The following GAD1 variants were observed in gnomAD, a reference collection of about 807,000 sequenced individuals.
GAD1 encodes 67 kDa glutamic acid decarboxylase.
A neutral mutation model predicts 75.2 loss-of-function variants in GAD1; 35 were observed. The observed-to-expected ratio is 0.47, with a 90% CI of 0.36 to 0.62. GAD1 has a LOEUF of 0.62. GAD1 is among the 20% of genes least tolerant of loss of function. The pLI, the probability that GAD1 is intolerant of heterozygous loss-of-function variation, is 0.00. For missense variants in GAD1, 490 were observed against 758.5 expected, an observed-to-expected ratio of 0.65 and a Z score of 4.16; for synonymous variants, 257 against 271.9, an observed-to-expected ratio of 0.95 and a Z score of 0.54.
intron 10 of GAD1, 128 bp from the exon 11 acceptor site, chr2:170,847,548 A>G (rs1702659498): frequency 1.3e-6 from 1 of 768,886 alleles, no homozygotes; most frequent in Non-Finnish European, 2.4e-6. Context: ...TAGACATAGT[A>G]TCTGGTAATA....
chr2:170,842,726 T>G, intron 6 of GAD1: 10 of 1,589,302 alleles, frequency 6.3e-6, no homozygotes, highest in Non-Finnish European at 7.7e-6. Flanking sequence ...AATGGACATA[T>G]TCTTTTTGGA....
Position 170,847,811 on chromosome 2 carries a change from A to C in GAD1, c.1119+19A>C. ...TGTCGATGTAAGTGCTATATAACTC[A>C]GGCCAGTCCATGTGGGGGGTGGAGG... On this transcript the variant is annotated intron_variant, in intron 11 of 16. Transcript: ENST00000358196. The C allele has an allele frequency of 1.9e-5, 30 of 1,542,546 alleles. No individual in the cohort carries two copies. Among genetic ancestry groups the C allele is most frequent in the Non-Finnish European group, 2.6e-5 (29 of 1,114,622 alleles).
chr2:170,856,708 T>C (rs943726670), intron 14 of GAD1, among the ~76,000 whole-genome samples: 4 of 152,202 alleles, frequency 2.6e-5, no homozygotes, highest in African/African-American at 9.6e-5. Context: ...CCAGTTACAG[T>C]TGTGGAGTGG....
Position 170,853,633 on chromosome 2 carries a change from G to C in GAD1, c.1264-240G>C, listed in dbSNP as rs149740761. 312 of 499,682 alleles carry C rather than the reference G, an allele frequency of 6.2e-4. 3 individuals carry two copies. The East Asian group carries it at 0.011, about 18-fold the overall frequency. The allele number at this position is 499,682 out of a possible 1,614,324, so 31.0% of individuals were successfully genotyped here. A position where few individuals can be genotyped will look rare whatever the true frequency, so the allele number is the denominator to read the frequency against. On this transcript the variant is annotated intron_variant, in intron 13 of 16. Coordinates refer to ENST00000358196, the MANE Select transcript of GAD1 (RefSeq NM_000817.3). The surrounding 1 kb of genome is among the most constrained non-coding windows in gnomAD (Gnocchi z 4.1). ...ACACCCATACACATTTCCCCTTAGA[G>C]GGATGGCATCTGAGACGGAAAGATC...
intron 6 of GAD1, among the ~76,000 whole-genome samples, chr2:170,837,479 G>C (rs1216883747): frequency 6.6e-6 from 1 of 152,180 alleles, no homozygotes; most frequent in Non-Finnish European, 1.5e-5. Flanking sequence ...CTGACTCTGA[G>C]GTCCTGTAGG....
chr2:170,845,044 T>TA (rs1702600475), intron 7 of GAD1, among the ~76,000 whole-genome samples: 1 of 152,218 alleles, frequency 6.6e-6, no homozygotes, highest in Non-Finnish European at 1.5e-5. Context: ...AGAGAGCACC[T>TA]AGGCAGGTAA....
chr2:170,853,120 T>G lies in GAD1; in HGVS notation c.1263+328T>G. The G allele has an allele frequency of 2.5e-6, 1 of 404,856 alleles. No individual in the cohort carries two copies. Among genetic ancestry groups the G allele is most frequent in the Non-Finnish European group, 4.6e-6 (1 of 215,834 alleles). 25.1% of individuals were successfully genotyped at this position (404,856 alleles called of 1,614,324 possible). On this transcript the variant is annotated intron_variant, in intron 13 of 16. Transcript: ENST00000358196. This position sits in a 1 kb window ranked among gnomAD's most constrained non-coding sequence, Gnocchi z 4.1. ...GTGAGGCATCCAATCAGTTTTGTCCTCAGTGAGGACAAAAGCACTCACTGG... is the reference window on the plus strand; with the variant it reads ...GTGAGGCATCCAATCAGTTTTGTCCGCAGTGAGGACAAAAGCACTCACTGG...
At chr2:170,816,650 T>C (rs1701703960), upstream of GAD1, 1 of 151,710 alleles carries the variant, frequency 6.6e-6, no homozygotes, top group South Asian at 2.1e-4. Context: ...TTGAGTACGT[T>C]CTGGATTACT....
Position 170,831,040 on chromosome 2 carries a change from T to C in GAD1, c.395T>C (p.Phe132Ser), listed in dbSNP as rs376982509. The change falls in exon 5 of 17, where the codon TTT becomes TCT. Residue 132 changes from phenylalanine to serine, a missense_variant. By Grantham distance (155) the Phe-to-Ser change is radical. Coordinates refer to ENST00000358196, the MANE Select transcript of GAD1 (RefSeq NM_000817.3). The stretch of plus-strand genomic sequence containing the variant: ...CTCCTCAACTATGTCCGCAAGACAT[T>C]TGATCGCTCCACCAAGGTGCTGGAC... Reference protein sequence around the residue: ...DILLNYVRKTFDRSTKVLDFH... With the variant: ...DILLNYVRKTSDRSTKVLDFH... 36 of 1,614,058 alleles carry C rather than the reference T, an allele frequency of 2.2e-5. No homozygotes were observed. In the East Asian group the frequency reaches 6.2e-4, roughly 28 times the overall value.
At chr2:170,849,688 G>GCTAT (rs1281388262) in intron 12 of GAD1, among the ~76,000 whole-genome samples, 6 of 152,232 alleles carry the variant, frequency 3.9e-5, no homozygotes, top group African/African-American at 1.4e-4. Flanking sequence ...GTCTCTAATA[G>GCTAT]CTATCAATCA....
At chr2:170,817,588 C>G (rs3762553) in intron 1 of GAD1, 34,337 of 152,338 alleles carry the variant, frequency 0.23, 4,711 homozygotes, top group South Asian at 0.34. Flanking sequence ...CTCTCTGTCC[C>G]GGGGCCTTCG....
chr2:170,845,753 T>C lies in GAD1; in HGVS notation c.915T>C (p.Thr305=), dbSNP rs1256122364. 4 of 1,614,158 alleles carry C rather than the reference T, an allele frequency of 2.5e-6. No homozygotes were observed. The African/African-American group carries it at 5.3e-5, about 22-fold the overall frequency. Residue 305 remains threonine, a synonymous_variant, in exon 9 of 17, where the codon ACT becomes ACC. Transcript: ENST00000358196. ...KKAGAALGFG[T]DNVILIKCNE... is the part of the protein sequence containing the mutation. ...CTGGGGCTGCACTTGGCTTTGGAAC[T>C]GACAATGTGATTTTGATAAAGTGCA...
chr2:170,822,208 C>A, intron 3 of GAD1, 59 bp downstream of exon 3: 1 of 1,399,752 alleles, frequency 7.1e-7, no homozygotes, highest in Non-Finnish European at 1.0e-6. Flanking sequence ...ACCTTTGGGG[C>A]TTGGGAGACT....
rs141004978 is a variant in GAD1, at chr2:170,831,025, A to T, written c.380A>T (p.Tyr127Phe). 1,205 of 1,614,056 alleles carry T rather than the reference A, an allele frequency of 7.5e-4. 2 individuals carry two copies. Among genetic ancestry groups the T allele is most frequent in the Non-Finnish European group, 9.5e-4 (1,119 of 1,180,048 alleles). Residue 127 changes from tyrosine (Y) to phenylalanine (F), a missense_variant, in exon 5 of 17, where the codon TAT becomes TTT. By Grantham distance (22) the Tyr-to-Phe change is conservative. This residue lies in a region of GAD1 where 165 missense variants were observed against 216.4 expected (regional missense o/e 0.76). Coordinates refer to ENST00000358196, the MANE Select transcript of GAD1 (RefSeq NM_000817.3). ...LLEVVDILLN[Y>F]VRKTFDRSTK... is the part of the protein sequence containing the mutation. ...GAAGTGGTGGACATACTCCTCAACT[A>T]TGTCCGCAAGACATTTGATCGCTCC...
At chr2:170,814,685 A>T (rs1411984452), upstream of GAD1, among the ~76,000 whole-genome samples, 1 of 152,196 alleles carries the variant, frequency 6.6e-6, no homozygotes, top group Non-Finnish European at 1.5e-5. Context: ...CATTCTAAAC[A>T]AGGACGGACA....
chr2:170,813,463 T>TCTA (rs1553571257), upstream of GAD1: 2 of 152,148 alleles, frequency 1.3e-5, no homozygotes, highest in Non-Finnish European at 2.9e-5. Context: ...GGTCATAAAT[T>TCTA]AGACACTTAA....
intron 6 of GAD1, among the ~76,000 whole-genome samples, chr2:170,838,022 A>G (rs576446226): frequency 6.6e-6 from 1 of 152,376 alleles, no homozygotes; most frequent in East Asian, 1.9e-4. Flanking sequence ...GCTGTGACTC[A>G]GAATACTTAA....
intron 3 of GAD1, among the ~76,000 whole-genome samples, chr2:170,825,673 G>A (rs189772861): frequency 8.7e-4 from 133 of 152,308 alleles, no homozygotes; most frequent in African/African-American, 2.9e-3. Context: ...GCAGGGGTGA[G>A]GAACCTGCAG....
At chr2:170,852,830 G>T (rs752882538) in intron 13 of GAD1, 38 bp downstream of exon 13, 1 of 1,579,380 alleles carries the variant, frequency 6.3e-7, no homozygotes, top group South Asian at 1.1e-5. Flanking sequence ...GGGCCCGTAC[G>T]TTCTTTAGAA....
Sources: gnomAD v4.1 joint callset for allele counts (sites outside exome capture counted in the v4.1 genomes callset) on GRCh38, gnomAD v4.1.1 for gene constraint, gnomAD v4.1.1 regional missense constraint, Gnocchi (gnomAD v3.1) non-coding constraint, MANE v1.5 for transcripts, NCBI Gene and HGNC (gene_info 2026-07-23, HGNC 2026-07-21) for gene names.